ACSL3: variants seen among roughly 807,000 people sequenced by gnomAD.
ACSL3 encodes the protein acyl-CoA synthetase long chain family member 3.
ACSL3 carries 34 observed loss-of-function variants against 84.7 expected under a neutral mutation model. That is an observed-to-expected ratio of 0.40 (90% CI 0.31 to 0.53). The LOEUF is 0.53. ACSL3 is among the 20% of genes least tolerant of loss of function. The pLI, the probability that ACSL3 is intolerant of heterozygous loss-of-function variation, is 0.48. For synonymous variants in ACSL3, 315 were observed against 299.4 expected, an observed-to-expected ratio of 1.05 and a Z score of -0.54; for missense variants, 680 against 873.1, an observed-to-expected ratio of 0.78 and a Z score of 2.79.
chr2:222,928,920 A>T lies in ACSL3; in HGVS notation c.1524A>T (p.Leu508Phe), dbSNP rs767738202. The T allele has an allele frequency of 1.7e-5, 27 of 1,613,452 alleles. No individual in the cohort carries two copies. The highest frequency in any genetic ancestry group is 6.7e-5 in the Admixed American group (4 of 59,962). ...CATTAGTTTGCTGTGAAATCAAATT[A>T]AAAAACTGGGAGGAAGGTAATAAAC... Reference protein sequence around the residue: ...GAPLVCCEIKLKNWEEGGYFN... With the variant: ...GAPLVCCEIKFKNWEEGGYFN... The change falls in exon 13 of 17, where the codon TTA becomes TTT. Residue 508 changes from leucine to phenylalanine, a missense_variant. By Grantham distance (22) the Leu-to-Phe change is conservative. Coordinates refer to ENST00000357430, the MANE Select transcript of ACSL3 (RefSeq NM_004457.5).
At chr2:222,933,435 A>C in intron 15 of ACSL3, 155 bp downstream of exon 15, 1 of 532,230 alleles carries the variant, frequency 1.9e-6, no homozygotes. Flanking sequence ...CCATTAGCTG[A>C]CTCTTTTCCT....
intron 15 of ACSL3, among the ~76,000 whole-genome samples, 180 bp from the exon 16 acceptor site, chr2:222,934,350 A>G (rs1351987631): frequency 2.0e-5 from 3 of 152,238 alleles, no homozygotes; most frequent in Non-Finnish European, 4.4e-5. Context: ...AAGCATTGGA[A>G]AATATTATGA....
chr2:222,898,969 G>C (rs533242508), intron 2 of ACSL3, among the ~76,000 whole-genome samples: 5 of 152,200 alleles, frequency 3.3e-5, no homozygotes, highest in African/African-American at 1.2e-4. Context: ...ATTCAAGTGT[G>C]AATGAGAAAT....
intron 1 of ACSL3, among the ~76,000 whole-genome samples, chr2:222,876,240 A>G (rs1695444197): frequency 6.6e-6 from 1 of 152,128 alleles, no homozygotes; most frequent in Non-Finnish European, 1.5e-5. Context: ...CCCATTCCCT[A>G]CCCTCATGTG....
intron 7 of ACSL3, chr2:222,919,428 A>G (rs1696673208): frequency 2.7e-6 from 1 of 367,266 alleles, no homozygotes; most frequent in South Asian, 7.3e-5. Flanking sequence ...TATTTATTTG[A>G]AATTTAAAAT....
chr2:222,936,763 G>A (rs944779207), intron 16 of ACSL3, among the ~76,000 whole-genome samples: 2 of 152,042 alleles, frequency 1.3e-5, no homozygotes, highest in South Asian at 4.2e-4. Context: ...TGCATGGCTC[G>A]GGGAGGCCTC....
rs927313197 is a variant in ACSL3 at position 222,922,772 on chromosome 2, G to C, written c.1021G>C (p.Val341Leu). The change falls in exon 9 of 17, where the codon GTC (valine) becomes CTC (leucine). Residue 341 changes from valine to leucine, a missense_variant. Coordinates refer to ENST00000357430, the MANE Select transcript of ACSL3 (RefSeq NM_004457.5). ...TGTTCTAGAATTAAGTGCTGAGCTT[G>C]TCTGTCTTTCTCACGGATGCCGCAT... The part of the protein sequence containing the change: ...AHVLELSAEL[V>L]CLSHGCRIGY... The C allele has an allele frequency of 2.5e-6, 4 of 1,614,056 alleles. No individual in the cohort carries two copies. The highest frequency in any genetic ancestry group is 3.4e-6 in the Non-Finnish European group (4 of 1,180,012).
chr2:222,863,607 A>AT (rs1171068249), intron 1 of ACSL3, among the ~76,000 whole-genome samples: 13 of 152,102 alleles, frequency 8.5e-5, no homozygotes, highest in East Asian at 5.8e-4. Flanking sequence ...TTGGATTTAG[A>AT]TTTTTTTTAG....
rs1697396449 is a variant in ACSL3, at chr2:222,944,069, C to T, written c.*2415C>T. 1 of 152,108 alleles carries T rather than the reference C, an allele frequency of 6.6e-6. No homozygotes were observed. The highest frequency in any genetic ancestry group is 2.1e-4 in the South Asian group (1 of 4,830). The allele number at this position is 152,108 out of a possible 1,614,324, so 9.4% of individuals were successfully genotyped here. A position where few individuals can be genotyped will look rare whatever the true frequency, so the allele number is the denominator to read the frequency against. ...CACCTCCATTTATTTCCCCACTGCT[C>T]CTCCACTGACATCCTTCTTAGCAGA... is the stretch of plus-strand genomic sequence containing the variant. On this transcript the variant is annotated 3_prime_UTR_variant, in exon 17 of 17. Coordinates refer to ENST00000357430, the MANE Select transcript of ACSL3 (RefSeq NM_004457.5).
chr2:222,871,146 A>G (rs1381641072), intron 1 of ACSL3, among the ~76,000 whole-genome samples: 2 of 152,200 alleles, frequency 1.3e-5, no homozygotes, highest in Non-Finnish European at 2.9e-5. Context: ...AACTGACTGG[A>G]TCTTTGCAGG....
At chr2:222,870,104 T>G (rs1182971006) in intron 1 of ACSL3, among the ~76,000 whole-genome samples, 1 of 78,764 alleles carries the variant, frequency 1.3e-5, no homozygotes, top group Non-Finnish European at 2.5e-5. Flanking sequence ...GGACTTCTGG[T>G]TTTTTTTTTT....
chr2:222,885,143 G>T lies in ACSL3; in HGVS notation c.-206-2687G>T, dbSNP rs184550342. Among the ~76,000 whole-genome samples, 3 of 152,246 alleles carry T rather than the reference G, an allele frequency of 2.0e-5. No homozygotes were observed. The East Asian group carries it at 5.8e-4, about 29-fold the overall frequency. ...GTTGAAGAGATTTTTAACATTTATT[G>T]AGGGCCAATTACATACCTAGTAGGA... On this transcript the variant is annotated intron_variant, in intron 1 of 16. Transcript: ENST00000357430.
At position 222,921,379 on chromosome 2, in the gene ACSL3, G is replaced by A; in HGVS notation, c.905G>A (p.Ser302Asn). The change falls in exon 8 of 17, where the codon AGT becomes AAT. Residue 302 changes from serine to asparagine, a missense_variant. Transcript: ENST00000357430. Reference sequence around the variant, plus strand: ...CCAAAGGGAGTCATGATCTCACATAGTAACATTATTGCTGGTATAACTGGG... The same window carrying A: ...CCAAAGGGAGTCATGATCTCACATAATAACATTATTGCTGGTATAACTGGG... ...GLPKGVMISH[S>N]NIIAGITGMA... is the part of the protein sequence containing the mutation. 1 of 1,601,656 alleles carries A rather than the reference G, an allele frequency of 6.2e-7. No homozygotes were observed. The highest frequency in any genetic ancestry group is 8.5e-7 in the Non-Finnish European group (1 of 1,169,678).
intron 5 of ACSL3, 87 bp downstream of exon 5, chr2:222,916,583 G>A (rs997667367): frequency 1.7e-5 from 23 of 1,369,558 alleles, no homozygotes; most frequent in Admixed American, 5.2e-5. Flanking sequence ...AAATTCTGAT[G>A]TTAATTTTCA....
intron 1 of ACSL3, among the ~76,000 whole-genome samples, chr2:222,866,228 C>CCGAGA (rs1272128545): frequency 6.6e-6 from 1 of 152,070 alleles, no homozygotes; most frequent in Non-Finnish European, 1.5e-5. Context: ...TCACTGTAAG[C>CCGAGA]TCCGCTTCCC....
chr2:222,881,543 T>C (rs1182738209), intron 1 of ACSL3, among the ~76,000 whole-genome samples: 2 of 152,094 alleles, frequency 1.3e-5, no homozygotes, highest in African/African-American at 4.8e-5. Context: ...TGAGATGGAG[T>C]TTCACTCTTG....
intron 14 of ACSL3, 162 bp from the exon 15 acceptor site, chr2:222,933,004 T>G: frequency 2.0e-6 from 1 of 504,096 alleles, no homozygotes; most frequent in Non-Finnish European, 3.5e-6. Context: ...AATTTTAATA[T>G]GTGCTTTTAA....
chr2:222,941,523 G>T lies in ACSL3; in HGVS notation c.2032G>T (p.Val678Leu), dbSNP rs746958098. The change falls in exon 17 of 17, where the codon GTA becomes TTA. Residue 678 changes from valine to leucine, a missense_variant. By Grantham distance (32) the Val-to-Leu change is conservative. This residue lies in a region of ACSL3 where 347 missense variants were observed against 525.7 expected (regional missense o/e 0.66). Coordinates refer to ENST00000357430, the MANE Select transcript of ACSL3 (RefSeq NM_004457.5). Reference protein sequence around the residue: ...SASLEKFEIPVKIRLSPEPWT... With the variant: ...SASLEKFEIPLKIRLSPEPWT... ...AAGTCTGGAAAAGTTTGAAATTCCA[G>T]TAAAAATTCGTTTGAGTCCTGAACC... 1 of 1,603,466 alleles carries T rather than the reference G, an allele frequency of 6.2e-7. No individual in the cohort carries two copies. The highest frequency in any genetic ancestry group is 8.5e-7 in the Non-Finnish European group (1 of 1,176,116).
At position 222,874,445 on chromosome 2, in the gene ACSL3, C is replaced by T. The variant is rs539709288; in HGVS notation, c.-207+13187C>T. ...GTGGCTAACGTCTATAATCCCAGGA[C>T]TTCGGGAGGCTGAGGAGGAAGGATC... On this transcript the variant is annotated intron_variant, in intron 1 of 16. Transcript: ENST00000357430. Among the ~76,000 whole-genome samples the T allele has an allele frequency of 3.3e-5, 5 of 152,242 alleles. No homozygotes were observed. The East Asian group carries it at 9.6e-4, about 29-fold the overall frequency.
Sources: gnomAD v4.1 joint callset for allele counts (sites outside exome capture counted in the v4.1 genomes callset) on GRCh38, gnomAD v4.1.1 for gene constraint, gnomAD v4.1.1 regional missense constraint, MANE v1.5 for transcripts, NCBI Gene and HGNC (gene_info 2026-07-23, HGNC 2026-07-21) for gene names.